The following SOX6 variants were observed in gnomAD, a reference collection of about 807,000 sequenced individuals.
SOX6 encodes the protein transcription factor SOX-6.
In SOX6, 11 loss-of-function variants were observed where a neutral mutation model predicts 97.8. The observed-to-expected ratio is 0.11, with a 90% CI of 0.07 to 0.19. The LOEUF is 0.19. SOX6 is among the 10% of genes least tolerant of loss of function. The probability of loss-of-function intolerance (pLI) is 1.00; values close to 1 mark genes in which losing one functional copy is unlikely to be tolerated. For missense variants in SOX6, 810 were observed against 1,039.5 expected (o/e 0.78, Z 3.04); for synonymous variants, 360 against 371.4 (o/e 0.97, Z 0.35).
At position 16,049,447 on chromosome 11, in the gene SOX6, C is replaced by T. The variant is rs182814964; in HGVS notation, c.1435+308G>A. On this transcript the variant is annotated intron_variant, in intron 11 of 15. Coordinates refer to ENST00000683767, the MANE Select transcript of SOX6 (RefSeq NM_001367873.1). ...TTGAAAGGTTGCTTTGAAGCCAGGT[C>T]CTATGTCCCTGAAAAATTATCTCAG... 1.4e-4 allele frequency among the ~76,000 whole-genome samples: 21 copies of T among 152,182 alleles called. No homozygotes were observed. The East Asian group carries it at 2.9e-3, about 21-fold the overall frequency.
chr11:16,006,838 G>A (rs1421770419), intron 13 of SOX6, among the ~76,000 whole-genome samples: 1 of 152,012 alleles, frequency 6.6e-6, no homozygotes, highest in East Asian at 1.9e-4. Context: ...GCCCATAACA[G>A]TATGGTGTTA....
chr11:16,437,021 C>T (rs1161529377), intron 1 of SOX6, among the ~76,000 whole-genome samples: 1 of 151,616 alleles, frequency 6.6e-6, no homozygotes, highest in African/African-American at 2.4e-5. Flanking sequence ...CTTTGGGAGG[C>T]CAAGGTGGGA....
At chr11:15,983,010 G>C (rs1009388848) in intron 15 of SOX6, among the ~76,000 whole-genome samples, 1 of 151,902 alleles carries the variant, frequency 6.6e-6, no homozygotes, top group Admixed American at 6.6e-5. Context: ...GAATTGGTAA[G>C]GGCCTATTTG....
chr11:16,521,284 T>G (rs1861053347), intron 4 of SOX6, among the ~76,000 whole-genome samples: 1 of 152,086 alleles, frequency 6.6e-6, no homozygotes, highest in Non-Finnish European at 1.5e-5. Flanking sequence ...GAGACAAAAC[T>G]TCCAGAGGAA....
chr11:16,315,382 CAGA>C (rs1032830018), intron 3 of SOX6: 9 of 151,814 alleles, frequency 5.9e-5, no homozygotes, highest in Non-Finnish European at 8.8e-5. Flanking sequence ...ATGCATTTCA[CAGA>C]AGAAGAATAT....
chr11:16,698,549 A>T (rs1267875702), intron 3 of SOX6, among the ~76,000 whole-genome samples: 1 of 152,168 alleles, frequency 6.6e-6, no homozygotes, highest in Non-Finnish European at 1.5e-5. Context: ...TCCTTCAGGA[A>T]CTTGCCCTTT....
chr11:16,337,756 A>T (rs997634232), intron 2 of SOX6, among the ~76,000 whole-genome samples: 3 of 152,146 alleles, frequency 2.0e-5, no homozygotes, highest in Non-Finnish European at 4.4e-5. Flanking sequence ...TAAAATCAGA[A>T]TCTAAAACTT....
intron 6 of SOX6, among the ~76,000 whole-genome samples, chr11:16,182,862 A>G (rs960124140): frequency 6.6e-6 from 1 of 151,930 alleles, no homozygotes; most frequent in African/African-American, 2.4e-5. Flanking sequence ...TTATTCATCA[A>G]TGAGATAGAA....
chr11:16,333,835 T>C (rs1019348203), intron 2 of SOX6, among the ~76,000 whole-genome samples: 2 of 152,166 alleles, frequency 1.3e-5, no homozygotes, highest in Non-Finnish European at 2.9e-5. Flanking sequence ...AGTATTTGCA[T>C]AGGGATAGTT....
At chr11:16,303,887 T>C (rs978645580) in intron 3 of SOX6, among the ~76,000 whole-genome samples, 15 of 152,092 alleles carry the variant, frequency 9.9e-5, no homozygotes, top group African/African-American at 3.4e-4. Context: ...AAAATGTAAA[T>C]AGTTTTGTGG....
chr11:16,319,053 A>G (rs1024198819), intron 2 of SOX6, among the ~76,000 whole-genome samples: 3 of 152,290 alleles, frequency 2.0e-5, no homozygotes, highest in Admixed American at 6.5e-5. Flanking sequence ...CACTTTTAGT[A>G]TCAACACTCT....
At chr11:16,480,942 G>A (rs1590218863), upstream of SOX6, among the ~76,000 whole-genome samples, 1 of 151,980 alleles carries the variant, frequency 6.6e-6, no homozygotes, top group African/African-American at 2.4e-5. Flanking sequence ...TGTCTTCAAC[G>A]CATTTATCTT....
At chr11:16,090,716 A>T (rs759229397) in intron 9 of SOX6, among the ~76,000 whole-genome samples, 2 of 152,096 alleles carry the variant, frequency 1.3e-5, no homozygotes, top group Non-Finnish European at 2.9e-5. Context: ...CATTTTGCCA[A>T]ATACTGTGCT....
In SOX6 at chr11:16,365,202, C is replaced by T. The variant is rs570164292; in HGVS notation, c.-4-23950G>A. On this transcript the variant is annotated intron_variant, in intron 1 of 15. Coordinates refer to the SOX6 transcript ENST00000396356. ...GTGTGTATAGGAGAAAAACAGAGTA[C>T]GGATAGGGTTCAGTACTATCTGTGG... Among the ~76,000 whole-genome samples, 226 of 151,736 alleles carry T rather than the reference C, an allele frequency of 1.5e-3. 2 individuals carry two copies. The Middle Eastern group carries it at 0.02, about 14-fold the overall frequency.
chr11:16,287,462 G>A (rs185496788), intron 3 of SOX6, among the ~76,000 whole-genome samples: 63 of 152,000 alleles, frequency 4.1e-4, no homozygotes, highest in African/African-American at 1.5e-3. Context: ...AGCTCAAAGG[G>A]CCCCATTAAA....
intron 2 of SOX6, among the ~76,000 whole-genome samples, chr11:16,330,413 G>A (rs1371516269): frequency 6.6e-6 from 1 of 152,096 alleles, no homozygotes; most frequent in Non-Finnish European, 1.5e-5. Flanking sequence ...AAATTAGCCA[G>A]GCATGGTGGC....
intron 4 of SOX6, among the ~76,000 whole-genome samples, chr11:16,213,027 C>A (rs11023872): frequency 0.072 from 11,028 of 152,132 alleles, 415 homozygotes; most frequent in African/African-American, 0.084. Context: ...CTCAGGAGAC[C>A]TTGAGGTCAT....
chr11:16,730,894 A>T (rs1848344688), intron 2 of SOX6, among the ~76,000 whole-genome samples: 1 of 152,220 alleles, frequency 6.6e-6, no homozygotes. Flanking sequence ...GAATAGACAC[A>T]ATAAAAAATG....
intron 4 of SOX6, among the ~76,000 whole-genome samples, chr11:16,513,020 T>G (rs1225433968): frequency 6.6e-6 from 1 of 152,116 alleles, no homozygotes; most frequent in Non-Finnish European, 1.5e-5. Context: ...AAGGAAGCAA[T>G]GAGACAACCT....
Sources: allele counts gnomAD v4.1 joint callset (sites outside exome capture counted in the v4.1 genomes callset), GRCh38; gene constraint gnomAD v4.1.1; transcripts MANE v1.5; gene names NCBI Gene and HGNC (gene_info 2026-07-23, HGNC 2026-07-21).